TTN: variants seen among roughly 807,000 people sequenced by gnomAD.
TTN encodes the protein titin, also known as connectin.
In TTN, 1,525 loss-of-function variants were observed where a neutral mutation model predicts 3,223.0. The observed-to-expected ratio is 0.47, with a 90% CI of 0.45 to 0.49. The LOEUF is 0.49. Ranked by LOEUF, TTN falls within the 20% of genes least tolerant of loss-of-function variation. TTN has a pLI of 0.00. For missense variants in TTN, 40,786 were observed against 43,424.0 expected (o/e 0.94, Z 5.40); for synonymous variants, 14,094 against 15,161.0 (o/e 0.93, Z 5.17).
intron 288 of TTN, chr2:178,600,440 T>C (rs1480272215): frequency 5.1e-5 from 8 of 155,722 alleles, no homozygotes; most frequent in Non-Finnish European, 8.2e-5. Flanking sequence ...TATATATATA[T>C]ACTTCATTAA....
In TTN at chr2:178,577,247, C is replaced by G. The variant is rs1389259455; in HGVS notation, c.69088G>C (p.Val23030Leu). The G allele has an allele frequency of 6.2e-7, 1 of 1,612,862 alleles. No homozygotes were observed. The highest frequency in any genetic ancestry group is 1.3e-5 in the African/African-American group (1 of 74,890). The change falls in exon 324 of 363, where the codon GTG (valine) becomes CTG (leucine). Residue 23030 changes from valine to leucine, a missense_variant. By Grantham distance (32) the Val-to-Leu change is conservative. Transcript: ENST00000589042. ...ITATNPFGTK[V>L]EHVKVTVLDV... The stretch of plus-strand genomic sequence containing the variant: ...AGGACTGTTACCTTCACATGTTCCA[C>G]CTTCGTGCCAAAAGGATTGGTAGCA...
At position 178,589,431 on chromosome 2, in the gene TTN, T is replaced by G; in HGVS notation, c.62294A>C (p.Asp20765Ala). The change falls in exon 304 of 363, where the codon GAC becomes GCC. Residue 20765 changes from aspartate (D) to alanine (A), a missense_variant. Coordinates refer to ENST00000589042, the MANE Select transcript of TTN (RefSeq NM_001267550.2). ...VKTEEVVVKEDLQKPVLDLKL... is the reference protein window; with the variant it reads ...VKTEEVVVKEALQKPVLDLKL... ...CAGATCAAGTACTGGTTTTTGTAAG[T>G]CTTCTTTCACAACAACTTCCTCTGT... 1 of 1,613,430 alleles carries G rather than the reference T, an allele frequency of 6.2e-7. No individual in the cohort carries two copies. The highest frequency in any genetic ancestry group is 8.5e-7 in the Non-Finnish European group (1 of 1,179,630).
Position 178,543,584 on chromosome 2 carries a change from G to C in TTN, c.96389C>G (p.Thr32130Arg), listed in dbSNP as rs368998895. 1.2e-6 allele frequency: 2 copies of C among 1,608,018 alleles called. No homozygotes were observed. Among genetic ancestry groups the C allele is most frequent in the Non-Finnish European group, 1.7e-6 (2 of 1,179,606 alleles). ...DSVTITWEIP[T>R]IDGGAPVNNY... ...GTTGACTGGAGCTCCACCATCAATCGTGGGAATTTCCCAAGTTATAGTCAC... is the reference window on the plus strand; with the variant it reads ...GTTGACTGGAGCTCCACCATCAATCCTGGGAATTTCCCAAGTTATAGTCAC... The change falls in exon 347 of 363, where the codon ACG (threonine) becomes AGG (arginine). Residue 32130 changes from threonine to arginine, a missense_variant. Physicochemically the swap from Thr to Arg is moderately conservative, Grantham distance 71. Coordinates refer to ENST00000589042, the MANE Select transcript of TTN (RefSeq NM_001267550.2).
chr2:178,784,969 G>A (rs538907579), intron 15 of TTN, among the ~76,000 whole-genome samples: 8 of 152,190 alleles, frequency 5.3e-5, no homozygotes, highest in Non-Finnish European at 8.8e-5. Flanking sequence ...TTTCTTGGAT[G>A]TGTATAATAA....
At chr2:178,789,875 A>T in intron 12 of TTN, 103 bp downstream of exon 12, 1 of 1,502,834 alleles carries the variant, frequency 6.7e-7, no homozygotes, top group Non-Finnish European at 9.1e-7. Context: ...TAGGGATTTT[A>T]AAAGGCAAAT....
chr2:178,653,316 C>G lies in TTN; in HGVS notation c.38713G>C (p.Glu12905Gln), dbSNP rs1444782539. The change falls in exon 198 of 363, where the codon GAG becomes CAG. Residue 12905 changes from glutamate (E) to glutamine (Q), a missense_variant. Physicochemically the swap from Glu to Gln is conservative, Grantham distance 29. Coordinates refer to ENST00000589042, the MANE Select transcript of TTN (RefSeq NM_001267550.2). ...KPEVPPVTVP[E>Q]APKEVVLEKK... The stretch of plus-strand genomic sequence containing the variant: ...TCAAGGACAACTTCTTTGGGAGCCT[C>G]TGGCACTTAAAAGATATTAGTAAAG... 6.2e-7 allele frequency: 1 copy of G among 1,612,204 alleles called. No homozygotes were observed. Among genetic ancestry groups the G allele is most frequent in the Non-Finnish European group, 8.5e-7 (1 of 1,179,544 alleles).
chr2:178,781,372 T>A, intron 20 of TTN, 109 bp from the exon 21 acceptor site: 1 of 1,238,408 alleles, frequency 8.1e-7, no homozygotes, highest in Non-Finnish European at 1.2e-6. Context: ...TCAATGACCC[T>A]AAACATATGA....
intron 53 of TTN, 37 bp downstream of exon 53, chr2:178,733,576 TA>T: frequency 6.3e-7 from 1 of 1,596,788 alleles, no homozygotes; most frequent in Non-Finnish European, 8.6e-7. Flanking sequence ...ACTTTAATTC[TA>T]AATAGCAATT....
rs2154193105 is a variant in TTN at position 178,601,726 on chromosome 2, C to A, written c.55364G>T (p.Gly18455Val). ...ATTCTTGGCTGTGATGCTGTATTTG[C>A]CTGTATGAGATCGTTTACACTCCGG... ...IIPECKRSHT[G>V]KYSITAKNKA... Residue 18455 changes from glycine (G) to valine (V), a missense_variant, in exon 286 of 363, where the codon GGC becomes GTC. Gly to Val is a moderately radical substitution (Grantham distance 109, BLOSUM62 -3). Coordinates refer to ENST00000589042, the MANE Select transcript of TTN (RefSeq NM_001267550.2). 6.2e-7 allele frequency: 1 copy of A among 1,610,384 alleles called. No homozygotes were observed. Among genetic ancestry groups the A allele is most frequent in the Non-Finnish European group, 8.5e-7 (1 of 1,178,750 alleles).
In TTN at chr2:178,649,543, G is replaced by T; in HGVS notation, c.39973+11C>A. ...CTTTCTTTTTTATGATGCCAACGAT[G>T]AAGTGAATACCTTTAGCTGCTGGTG... is the stretch of plus-strand genomic sequence containing the variant. On this transcript the variant is annotated intron_variant, in intron 212 of 362. Coordinates refer to ENST00000589042, the MANE Select transcript of TTN (RefSeq NM_001267550.2). The T allele has an allele frequency of 6.5e-7, 1 of 1,547,372 alleles. No individual in the cohort carries two copies. The highest frequency in any genetic ancestry group is 8.7e-7 in the Non-Finnish European group (1 of 1,145,050).
rs750520224 is a variant in TTN, at chr2:178,636,547, C to T, written c.41180G>A (p.Arg13727His). ...TTWMKDGSNI[R>H]ESPKHRFIAD... ...AATAAACCTGTGCTTGGGACTCTCA[C>T]GGATATTGCTACCGTCTTTCATCCA... Residue 13727 changes from arginine to histidine, a missense_variant, in exon 225 of 363, where the codon CGT becomes CAT. Arg to His is a conservative substitution (Grantham distance 29). Coordinates refer to ENST00000589042, the MANE Select transcript of TTN (RefSeq NM_001267550.2). The surrounding 1 kb of genome is among the most constrained non-coding windows in gnomAD (Gnocchi z 4.3). 24 of 1,613,332 alleles carry T rather than the reference C, an allele frequency of 1.5e-5. No homozygotes were observed. Among genetic ancestry groups the T allele is most frequent in the Admixed American group, 8.3e-5 (5 of 59,956 alleles).
rs769206817 is a variant in TTN at position 178,621,149 on chromosome 2, A to G, written c.45569T>C (p.Val15190Ala). 5 of 1,612,632 alleles carry G rather than the reference A, an allele frequency of 3.1e-6. No individual in the cohort carries two copies. Among genetic ancestry groups the G allele is most frequent in the South Asian group, 2.2e-5 (2 of 91,032 alleles). Residue 15190 changes from valine to alanine, a missense_variant, in exon 246 of 363, where the codon GTT becomes GCT. By Grantham distance (64) the Val-to-Ala change is moderately conservative. Coordinates refer to ENST00000589042, the MANE Select transcript of TTN (RefSeq NM_001267550.2). ...DATLQDMGTY[V>A]VMVGAARAAA... The stretch of plus-strand genomic sequence containing the variant: ...TGCTCTGGCGGCCCCTACCATGACA[A>G]CGTAAGTGCCCATATCTTGTAATGT...
Position 178,541,452 on chromosome 2 carries a change from C to T in TTN, c.97625G>A (p.Arg32542Lys). The change falls in exon 350 of 363, where the codon AGA (arginine) becomes AAA (lysine). Residue 32542 changes from arginine (R) to lysine (K), a missense_variant. By Grantham distance (26) the Arg-to-Lys change is conservative (BLOSUM62 2). Coordinates refer to ENST00000589042, the MANE Select transcript of TTN (RefSeq NM_001267550.2). Reference sequence around the variant, plus strand: ...ATTTACACGGACCCATCGATCTGCTCTCACTTCTTTGCGCTCCACAATATA... The same window carrying T: ...ATTTACACGGACCCATCGATCTGCTTTCACTTCTTTGCGCTCCACAATATA... ...TGYIVERKEV[R>K]ADRWVRVNKV... 1 of 1,613,530 alleles carries T rather than the reference C, an allele frequency of 6.2e-7. No individual in the cohort carries two copies. Among genetic ancestry groups the T allele is most frequent in the East Asian group, 2.2e-5 (1 of 44,832 alleles).
Position 178,576,619 on chromosome 2 carries a change from T to G in TTN, c.69625A>C (p.Thr23209Pro). The change falls in exon 325 of 363, where the codon ACC becomes CCC. Residue 23209 changes from threonine to proline, a missense_variant. Coordinates refer to ENST00000589042, the MANE Select transcript of TTN (RefSeq NM_001267550.2). The surrounding 1 kb of genome is among the most constrained non-coding windows in gnomAD (Gnocchi z 4.3). ...CKVTGLQEGS[T>P]YEFRVSAENR... Reference sequence around the variant, plus strand: ...TCTGCACTGACACGGAATTCGTAGGTGCTTCCTTCTTGCAGTCCTGTTACT... The same window carrying G: ...TCTGCACTGACACGGAATTCGTAGGGGCTTCCTTCTTGCAGTCCTGTTACT... 1 of 1,613,586 alleles carries G rather than the reference T, an allele frequency of 6.2e-7. No individual in the cohort carries two copies. Among genetic ancestry groups the G allele is most frequent in the Non-Finnish European group, 8.5e-7 (1 of 1,179,622 alleles).
intron 119 of TTN, 65 bp from the exon 120 acceptor site, chr2:178,692,645 CT>C: frequency 8.1e-7 from 1 of 1,241,116 alleles, no homozygotes; most frequent in Non-Finnish European, 1.1e-6. Context: ...TGTTGTAAGA[CT>C]TAGAATTAAA....
Position 178,739,336 on chromosome 2 carries a change from T to C in TTN, c.13897A>G (p.Lys4633Glu), listed in dbSNP as rs773833776. ...TTCTCAAAATACCAATTCACCTCTTTAGCATTTGTTATGGATGTTGTGAGG... is the reference window on the plus strand; with the variant it reads ...TTCTCAAAATACCAATTCACCTCTTCAGCATTTGTTATGGATGTTGTGAGG... Reference protein sequence around the residue: ...VHLTTSITNAKEVNWYFENKL... With the variant: ...VHLTTSITNAEEVNWYFENKL... The change falls in exon 48 of 363, where the codon AAA (lysine) becomes GAA (glutamate). Residue 4633 changes from lysine to glutamate, a missense_variant. Physicochemically the swap from Lys to Glu is moderately conservative, Grantham distance 56. Transcript: ENST00000589042. 21 of 1,613,708 alleles carry C rather than the reference T, an allele frequency of 1.3e-5. No individual in the cohort carries two copies. The highest frequency in any genetic ancestry group is 4.2e-6 in the Non-Finnish European group (5 of 1,179,808).
chr2:178,704,706 G>A lies in TTN; in HGVS notation c.29766C>T (p.Asp9922=). 6.2e-7 allele frequency: 1 copy of A among 1,611,266 alleles called. No homozygotes were observed. Among genetic ancestry groups the A allele is most frequent in the Non-Finnish European group, 8.5e-7 (1 of 1,179,160 alleles). ...LKDNDAVFEI[D]IKINYPEIKL... ...TGATTTCTGGATAATTAATTTTAATGTCAATTTCAAAGACAGCATCATTAT... is the reference window on the plus strand; with the variant it reads ...TGATTTCTGGATAATTAATTTTAATATCAATTTCAAAGACAGCATCATTAT... The change falls in exon 105 of 363, where the codon GAC becomes GAT. Residue 9922 remains aspartate (D), a synonymous_variant. Coordinates refer to ENST00000589042, the MANE Select transcript of TTN (RefSeq NM_001267550.2).
Position 178,647,428 on chromosome 2 carries a change from T to A in TTN, c.40094A>T (p.Glu13365Val). The A allele has an allele frequency of 6.5e-7, 1 of 1,549,722 alleles. No individual in the cohort carries two copies. Among genetic ancestry groups the A allele is most frequent in the Non-Finnish European group, 8.7e-7 (1 of 1,146,446 alleles). The change falls in exon 214 of 363, where the codon GAA becomes GTA. Residue 13365 changes from glutamate (E) to valine (V), a missense_variant. By Grantham distance (121) the Glu-to-Val change is moderately radical. Transcript: ENST00000589042. ...CTCTGCAGGGATAGGCACAGACACT[T>A]CCTTTTCTGGGATGATTTTCTCAGG... The part of the protein sequence containing the change: ...KVPEKIIPEK[E>V]VSVPIPAEPE...
intron 44 of TTN, 133 bp downstream of exon 44, chr2:178,758,851 G>A: frequency 1.1e-6 from 1 of 934,472 alleles, no homozygotes; most frequent in Non-Finnish European, 1.7e-6. Flanking sequence ...CATATAACAG[G>A]GAAATAATTA....
Sources: gnomAD v4.1 joint callset for allele counts (sites outside exome capture counted in the v4.1 genomes callset) on GRCh38, gnomAD v4.1.1 for gene constraint, Gnocchi (gnomAD v3.1) non-coding constraint, MANE v1.5 for transcripts, NCBI Gene and HGNC (gene_info 2026-07-23, HGNC 2026-07-21) for gene names.